The following DCC variants were observed in gnomAD, a reference collection of about 807,000 sequenced individuals.
DCC encodes the protein DCC netrin 1 receptor.
In DCC, 58 loss-of-function variants were observed where a neutral mutation model predicts 172.5. That is an observed-to-expected ratio of 0.34 (90% CI 0.27 to 0.42). The LOEUF is 0.42. Among genes scored for constraint, DCC ranks in the 10% least tolerant of loss-of-function variants. The probability of loss-of-function intolerance (pLI) is 1.00; values close to 1 mark genes in which losing one functional copy is unlikely to be tolerated. For missense variants in DCC, 1,740 were observed against 1,791.0 expected (o/e 0.97, Z 0.51); for synonymous variants, 709 against 644.5 (o/e 1.10, Z -1.52).
intron 1 of DCC, among the ~76,000 whole-genome samples, chr18:52,496,143 G>C (rs565541315): frequency 6.6e-6 from 1 of 152,056 alleles, no homozygotes; most frequent in East Asian, 1.9e-4. Context: ...TTTGGCTTCA[G>C]GTAAAATCAC....
intron 15 of DCC, among the ~76,000 whole-genome samples, chr18:53,363,251 G>A (rs2057967405): frequency 6.6e-6 from 1 of 152,142 alleles, no homozygotes; most frequent in African/African-American, 2.4e-5. Flanking sequence ...AGCAAGTGGA[G>A]CCAATTCTGC....
chr18:53,006,604 A>G (rs1286726182), intron 5 of DCC, among the ~76,000 whole-genome samples: 1 of 152,222 alleles, frequency 6.6e-6, no homozygotes, highest in Non-Finnish European at 1.5e-5. Flanking sequence ...CTGTAGATAG[A>G]TAAGGTTGAT....
rs200908861 is a variant in DCC, at chr18:52,769,784, A to ATTCT, written c.412+17412_412+17413insCTTT. Among the ~76,000 whole-genome samples the ATTCT allele has an allele frequency of 2.1e-3, 316 of 152,268 alleles. No individual in the cohort carries two copies. The East Asian group carries it at 0.021, about 10-fold the overall frequency. On this transcript the variant is annotated intron_variant, in intron 2 of 28. Transcript: ENST00000442544. ...TGAAGTATGTAAGGTCTGTGTCTAGATTATTTTTCTTTTGCATGATGATGT... is the reference window on the plus strand; with the variant it reads ...TGAAGTATGTAAGGTCTGTGTCTAGATTCTTTATTTTTCTTTTGCATGATGATGT...
At chr18:53,427,567 G>C (rs1415469420) in intron 21 of DCC, among the ~76,000 whole-genome samples, 1 of 116,464 alleles carries the variant, frequency 8.6e-6, no homozygotes, top group Non-Finnish European at 2.2e-5. Context: ...GGGCAAGGGA[G>C]ATAGTCAAGT....
chr18:52,539,973 T>C (rs1168663554), intron 1 of DCC, among the ~76,000 whole-genome samples: 2 of 152,218 alleles, frequency 1.3e-5, no homozygotes, highest in Admixed American at 6.5e-5. Flanking sequence ...TCCAGTAGAA[T>C]TGGAATTCTG....
chr18:53,213,939 A>T (rs1349530094), intron 11 of DCC, among the ~76,000 whole-genome samples: 2 of 151,754 alleles, frequency 1.3e-5, no homozygotes, highest in Non-Finnish European at 2.9e-5. Context: ...CTGAATATGG[A>T]ACCATTTTTA....
rs1457529372 is a variant in DCC at position 52,781,524 on chromosome 18, G to A, written c.412+29150G>A. On this transcript the variant is annotated intron_variant, in intron 2 of 28. Transcript: ENST00000442544. ...GAAAGGGAGTTTCTCACTTAGAGGA[G>A]CTAACATAGTATCAAGATGAGTAAA... 2.0e-5 allele frequency among the ~76,000 whole-genome samples: 3 copies of A among 152,254 alleles called. No individual in the cohort carries two copies. In the East Asian group the frequency reaches 5.8e-4, roughly 29 times the overall value.
intron 15 of DCC, among the ~76,000 whole-genome samples, chr18:53,379,078 G>A (rs1160743415): frequency 1.3e-5 from 2 of 152,238 alleles, no homozygotes; most frequent in Non-Finnish European, 2.9e-5. Flanking sequence ...TAATTAAACA[G>A]TTTGGGTCCA....
At chr18:53,042,347 T>C (rs554748086) in intron 5 of DCC, among the ~76,000 whole-genome samples, 14 of 152,024 alleles carry the variant, frequency 9.2e-5, no homozygotes, top group Admixed American at 2.6e-4. Flanking sequence ...GCATCCCAGG[T>C]ATGAATTCAA....
chr18:53,502,283 T>G (rs1481484406), intron 27 of DCC, among the ~76,000 whole-genome samples: 1 of 152,214 alleles, frequency 6.6e-6, no homozygotes, highest in African/African-American at 2.4e-5. Flanking sequence ...CCCTTTGGAA[T>G]TATTAAATTC....
At chr18:52,943,945 G>C (rs1267066486) in intron 5 of DCC, among the ~76,000 whole-genome samples, 1 of 152,026 alleles carries the variant, frequency 6.6e-6, no homozygotes, top group Non-Finnish European at 1.5e-5. Flanking sequence ...TTTATTAGAG[G>C]CAGAGTTTTG....
At chr18:52,341,866 C>T (rs1043953747) in intron 1 of DCC, among the ~76,000 whole-genome samples, 1 of 147,804 alleles carries the variant, frequency 6.8e-6, no homozygotes, top group Non-Finnish European at 1.5e-5. Context: ...GAGAGGAGAG[C>T]GGCTGGATGA....
chr18:52,954,200 C>T (rs1373549792), intron 5 of DCC, among the ~76,000 whole-genome samples: 1 of 152,114 alleles, frequency 6.6e-6, no homozygotes, highest in Non-Finnish European at 1.5e-5. Flanking sequence ...ATCTTCACAA[C>T]CCAAATACCA....
intron 7 of DCC, among the ~76,000 whole-genome samples, chr18:53,121,550 T>A (rs1010463818): frequency 9.2e-5 from 14 of 151,942 alleles, no homozygotes; most frequent in African/African-American, 3.4e-4. Flanking sequence ...TTCATGATTC[T>A]ACAGTCTCTG....
chr18:52,530,717 G>A (rs908598921), intron 1 of DCC, among the ~76,000 whole-genome samples: 2 of 152,110 alleles, frequency 1.3e-5, no homozygotes, highest in East Asian at 1.9e-4. Flanking sequence ...TTATCCCAAA[G>A]CATTTACTTG....
At chr18:53,218,793 A>G (rs967961474) in intron 12 of DCC, among the ~76,000 whole-genome samples, 4 of 152,190 alleles carry the variant, frequency 2.6e-5, no homozygotes, top group African/African-American at 9.6e-5. Context: ...TTCCTTAAGA[A>G]TTTAATTTGA....
chr18:53,090,698 CAAAAAAAAAAAAAAAAAAAAAA>C (rs59898050), intron 7 of DCC, among the ~76,000 whole-genome samples: 2,180 of 39,484 alleles, frequency 0.055, 153 homozygotes, highest in Admixed American at 0.078. Context: ...CGTCCCCCAA[CAAAAAAAAAAAAAAAAAAAAAA>C]AAAAAAAAAA....
chr18:53,280,268 T>C (rs1218720038), intron 12 of DCC, among the ~76,000 whole-genome samples: 1 of 152,156 alleles, frequency 6.6e-6, no homozygotes, highest in African/African-American at 2.4e-5. Context: ...TTCAGTATTG[T>C]TTTCTTTCCC....
chr18:53,069,727 C>G (rs73957017), intron 7 of DCC, among the ~76,000 whole-genome samples: 5,614 of 152,186 alleles, frequency 0.037, 330 homozygotes, highest in African/African-American at 0.12. Context: ...TCCATCCTCC[C>G]CTCTCTGACC....
Sources: allele counts gnomAD v4.1 joint callset (sites outside exome capture counted in the v4.1 genomes callset), GRCh38; gene constraint gnomAD v4.1.1; transcripts MANE v1.5; gene names NCBI Gene and HGNC (gene_info 2026-07-23, HGNC 2026-07-21).